The following CSMD1 variants were observed in gnomAD, a reference collection of about 807,000 sequenced individuals.
The protein encoded by CSMD1 is CUB and Sushi multiple domains 1, also known as CUB and sushi domain-containing protein 1.
In CSMD1, 213 loss-of-function variants were observed where a neutral mutation model predicts 417.5. The ratio of observed to expected loss-of-function variants is 0.51; its 90% CI spans 0.46 to 0.57. The LOEUF is 0.57. Among genes scored for constraint, CSMD1 ranks in the 20% least tolerant of loss-of-function variants. The pLI is 0.00. For synonymous variants in CSMD1, 2,862 were observed against 1,736.8 expected (o/e 1.65, Z -16.11); for missense variants, 6,923 against 4,529.7 (o/e 1.53, Z -15.17).
At chr8:3,764,260 C>T (rs60996915) in intron 5 of CSMD1, among the ~76,000 whole-genome samples, 7,115 of 152,256 alleles carry the variant, frequency 0.047, 587 homozygotes, top group African/African-American at 0.16. Context: ...TCCAGCTACA[C>T]ACTGCCTGTG....
intron 3 of CSMD1, among the ~76,000 whole-genome samples, chr8:4,412,464 G>T (rs995449930): frequency 6.6e-6 from 1 of 152,160 alleles, no homozygotes; most frequent in Non-Finnish European, 1.5e-5. Context: ...AAGCCGGGCA[G>T]ATGCCAGTAC....
intron 10 of CSMD1, among the ~76,000 whole-genome samples, chr8:3,517,578 C>G (rs1372794489): frequency 6.6e-6 from 1 of 152,178 alleles, no homozygotes. Context: ...CTGCTGTCCT[C>G]TGCAATACCA....
rs960463916 is a variant in CSMD1 at position 3,185,566 on chromosome 8, T to A, written c.5620+2303A>T. 2.6e-5 allele frequency among the ~76,000 whole-genome samples: 4 copies of A among 152,248 alleles called. No homozygotes were observed. In the East Asian group the frequency reaches 7.7e-4, roughly 29 times the overall value. On this transcript the variant is annotated intron_variant, in intron 36 of 69. Coordinates refer to ENST00000635120, the MANE Select transcript of CSMD1 (RefSeq NM_033225.6). ...ACTCTCTTTTGAAAAATTAACCTAT[T>A]TCTAATATTAGGATATATGAAATTA...
intron 1 of CSMD1, among the ~76,000 whole-genome samples, chr8:4,827,135 A>T (rs1645524576): frequency 2.0e-5 from 3 of 152,278 alleles, no homozygotes; most frequent in East Asian, 1.9e-4. Context: ...CAGCTAGAAT[A>T]ATTAAAACAA....
intron 23 of CSMD1, among the ~76,000 whole-genome samples, chr8:3,324,703 T>C (rs981696857): frequency 4.0e-5 from 6 of 149,768 alleles, no homozygotes; most frequent in African/African-American, 4.9e-5. Flanking sequence ...ACTGTTAAAA[T>C]AGGCCCACAT....
chr8:3,036,132 A>G (rs1810659879), intron 50 of CSMD1, among the ~76,000 whole-genome samples: 1 of 152,238 alleles, frequency 6.6e-6, no homozygotes, highest in Non-Finnish European at 1.5e-5. Context: ...ACAACACAAA[A>G]TACTTTGCAT....
chr8:3,313,443 T>G (rs1373288451), intron 23 of CSMD1, among the ~76,000 whole-genome samples: 1 of 151,994 alleles, frequency 6.6e-6, no homozygotes, highest in Non-Finnish European at 1.5e-5. Flanking sequence ...CATCAAAAAG[T>G]GGGTGAAGGA....
At chr8:3,698,471 A>G (rs1800676679) in intron 7 of CSMD1, among the ~76,000 whole-genome samples, 1 of 152,222 alleles carries the variant, frequency 6.6e-6, no homozygotes, top group African/African-American at 2.4e-5. Flanking sequence ...CCTACCGTCA[A>G]AATCTGCTTT....
At chr8:4,336,495 A>G (rs1426550259) in intron 3 of CSMD1, among the ~76,000 whole-genome samples, 1 of 152,152 alleles carries the variant, frequency 6.6e-6, no homozygotes, top group African/African-American at 2.4e-5. Flanking sequence ...AAACACAGAT[A>G]CAACTACATG....
At chr8:2,978,034 G>C (rs561381691) in intron 55 of CSMD1, among the ~76,000 whole-genome samples, 1 of 152,250 alleles carries the variant, frequency 6.6e-6, no homozygotes, top group South Asian at 2.1e-4. Context: ...CAAAGACCTA[G>C]AATAAGAAAT....
intron 3 of CSMD1, among the ~76,000 whole-genome samples, chr8:4,323,572 T>C (rs60963857): frequency 0.011 from 1,601 of 152,244 alleles, 26 homozygotes; most frequent in African/African-American, 0.035. Context: ...ATATCTGCTT[T>C]CCAAGGTGTT....
At chr8:4,288,389 T>G (rs1287227813) in intron 3 of CSMD1, among the ~76,000 whole-genome samples, 1 of 152,188 alleles carries the variant, frequency 6.6e-6, no homozygotes, top group African/African-American at 2.4e-5. Flanking sequence ...CTTACAAGAA[T>G]GACCTACAAA....
intron 11 of CSMD1, among the ~76,000 whole-genome samples, chr8:3,478,045 TC>T (rs1817528726): frequency 6.6e-6 from 1 of 152,172 alleles, no homozygotes; most frequent in Admixed American, 6.5e-5. Context: ...TACTATCATT[TC>T]CCCACTGGCA....
chr8:3,609,622 G>T (rs941782933), intron 8 of CSMD1, among the ~76,000 whole-genome samples: 7 of 151,610 alleles, frequency 4.6e-5, no homozygotes, highest in African/African-American at 1.5e-4. Context: ...TAACAAAACA[G>T]CCCCAAGTTA....
chr8:3,381,377 G>C (rs1007027340), intron 18 of CSMD1, among the ~76,000 whole-genome samples: 3 of 151,952 alleles, frequency 2.0e-5, no homozygotes, highest in African/African-American at 7.3e-5. Flanking sequence ...TATCATCCAA[G>C]AAAGCCATAT....
At chr8:4,897,280 A>C (rs573250094) in intron 1 of CSMD1, among the ~76,000 whole-genome samples, 1 of 152,220 alleles carries the variant, frequency 6.6e-6, no homozygotes, top group Admixed American at 6.5e-5. Context: ...TTAAGTGTTC[A>C]TTTAGGTAAG....
chr8:3,778,857 G>C (rs545793246), intron 5 of CSMD1, among the ~76,000 whole-genome samples: 4 of 152,148 alleles, frequency 2.6e-5, no homozygotes, highest in Admixed American at 6.5e-5. Flanking sequence ...ACTCAGTTGA[G>C]AAAACATGCT....
At chr8:4,138,849 A>G (rs1803600248) in intron 3 of CSMD1, among the ~76,000 whole-genome samples, 1 of 152,194 alleles carries the variant, frequency 6.6e-6, no homozygotes, top group Non-Finnish European at 1.5e-5. Context: ...GAATAAAGTT[A>G]ATATATTGTG....
At chr8:4,962,939 G>A (rs1183026925) in intron 1 of CSMD1, among the ~76,000 whole-genome samples, 1 of 152,118 alleles carries the variant, frequency 6.6e-6, no homozygotes, top group Non-Finnish European at 1.5e-5. Flanking sequence ...ATGAGAGATG[G>A]GAGGAGAACA....
Sources: allele counts gnomAD v4.1 joint callset (sites outside exome capture counted in the v4.1 genomes callset), GRCh38; gene constraint gnomAD v4.1.1; transcripts MANE v1.5; gene names NCBI Gene and HGNC (gene_info 2026-07-23, HGNC 2026-07-21).